FAN1: variants seen among roughly 807,000 people sequenced by gnomAD.
The protein encoded by FAN1 is FANCD2 and FANCI associated nuclease 1.
Under a neutral mutation model 104.9 loss-of-function variants are expected in FAN1, and 91 were observed. The ratio of observed to expected loss-of-function variants is 0.87; its 90% CI spans 0.73 to 1.03. The LOEUF is 1.03. Among genes scored for constraint, FAN1 ranks in the 50% least tolerant of loss-of-function variants. The pLI, the probability that FAN1 is intolerant of heterozygous loss-of-function variation, is 0.00. For synonymous variants in FAN1, 478 were observed against 457.6 expected, an observed-to-expected ratio of 1.04 and a Z score of -0.57; for missense variants, 1,263 against 1,239.9, an observed-to-expected ratio of 1.02 and a Z score of -0.28.
intron 13 of FAN1, among the ~76,000 whole-genome samples, chr15:30,935,636 CAG>C (rs559105817): frequency 1.2e-4 from 18 of 152,268 alleles, no homozygotes; most frequent in South Asian, 1.0e-3. Context: ...ATTTTGGTAA[CAG>C]AGGGGGTCCT....
At chr15:30,923,276 G>C (rs559290785) in intron 8 of FAN1, among the ~76,000 whole-genome samples, 2 of 152,140 alleles carry the variant, frequency 1.3e-5, no homozygotes, top group African/African-American at 2.4e-5. Context: ...CTTACCACTC[G>C]GTGTTTACTG....
chr15:30,938,987 T>C (rs565), intron 14 of FAN1: 827,485 of 985,052 alleles, frequency 0.84, 347,934 homozygotes, highest in East Asian at 0.98. Flanking sequence ...TTCCTTCACA[T>C]TCAATACTGT....
rs10163148 is a variant in FAN1 at position 30,920,481 on chromosome 15, G to T, written c.1944-64G>T. The T allele has an allele frequency of 3.9e-6, 4 of 1,022,170 alleles. No homozygotes were observed. The African/African-American group carries it at 4.8e-5, about 12-fold the overall frequency. The allele number at this position is 1,022,170 out of a possible 1,614,324, so 63.3% of individuals were successfully genotyped here. ...AGGAATTCAGTCTGCTTTGTCACTT[G>T]TTATTATTGTCTTATAATAAATTAA... On this transcript the variant is annotated intron_variant, in intron 6 of 14. Transcript: ENST00000362065.
chr15:30,911,603 A>G (rs1268944627), intron 4 of FAN1: 2 of 950,916 alleles, frequency 2.1e-6, no homozygotes, highest in African/African-American at 3.5e-5. Context: ...TTTAAAAAGT[A>G]CTTCAATAAA....
rs371202499 is a variant in FAN1 at position 30,914,100 on chromosome 15, A to G, written c.1811+9A>G. On this transcript the variant is annotated intron_variant, in intron 5 of 14. Transcript: ENST00000362065. ...AGAGATGATCTTATCAGGTAAGATG[A>G]TGTTAGCTCACTATAATGTCTATAT... is the stretch of plus-strand genomic sequence containing the variant. 57 of 1,572,816 alleles carry G rather than the reference A, an allele frequency of 3.6e-5. No homozygotes were observed. Among genetic ancestry groups the G allele is most frequent in the Non-Finnish European group, 4.7e-5 (54 of 1,143,288 alleles).
chr15:30,926,711 G>A (rs2062472337), intron 10 of FAN1: 28 of 985,464 alleles, frequency 2.8e-5, no homozygotes, highest in Non-Finnish European at 3.3e-5. Context: ...GCACATTCAA[G>A]GCCCCGAGAG....
intron 9 of FAN1, 71 bp downstream of exon 9, chr15:30,925,362 T>G (rs1229865447): frequency 7.1e-7 from 1 of 1,403,374 alleles, no homozygotes; most frequent in East Asian, 2.3e-5. Context: ...AGAAGCATCC[T>G]AAGAGCTGTT....
At chr15:30,930,418 G>A in intron 12 of FAN1, 125 bp from the exon 13 acceptor site, 2 of 1,105,494 alleles carry the variant, frequency 1.8e-6, no homozygotes, top group Non-Finnish European at 1.2e-6. Flanking sequence ...GCGCATGGTG[G>A]GCCTGGGGTC....
chr15:30,933,895 G>C (rs560846431), intron 13 of FAN1, among the ~76,000 whole-genome samples: 1 of 151,994 alleles, frequency 6.6e-6, no homozygotes, highest in African/African-American at 2.4e-5. Flanking sequence ...TGAGTAGCCC[G>C]AACTATAGGC....
In FAN1 at chr15:30,937,230, G is replaced by A. The variant is rs769682343; in HGVS notation, c.3028G>A (p.Gly1010Arg). 3.7e-6 allele frequency: 6 copies of A among 1,613,954 alleles called. No homozygotes were observed. Among genetic ancestry groups the A allele is most frequent in the Non-Finnish European group, 5.1e-6 (6 of 1,179,950 alleles). ...AGAAGTCTGCCATGTGGTTGCAGTT[G>A]GAGCTAAGAGCCAAAGCCTTAGCTA... ...EVEVCHVVAV[G>R]AKSQSLS Residue 1010 changes from glycine to arginine, a missense_variant, in exon 14 of 15, where the codon GGA becomes AGA. Around this residue, in one of 2 missense-constraint regions of FAN1, gnomAD observed 581 missense variants for 668.8 expected, o/e 0.87. Coordinates refer to ENST00000362065, the MANE Select transcript of FAN1 (RefSeq NM_014967.5).
intron 2 of FAN1, among the ~76,000 whole-genome samples, chr15:30,906,218 C>G (rs551836136): frequency 6.6e-6 from 1 of 152,274 alleles, no homozygotes; most frequent in South Asian, 2.1e-4. Context: ...TATAATGTGA[C>G]TTAGAAAAGC....
intron 5 of FAN1, 80 bp downstream of exon 5, chr15:30,914,171 C>G: frequency 9.3e-7 from 1 of 1,075,704 alleles, no homozygotes; most frequent in Non-Finnish European, 1.4e-6. Flanking sequence ...TTTTTCCAGC[C>G]AAAGTAGAAA....
Position 30,942,893 on chromosome 15 carries a change from T to C in FAN1, c.*1331T>C. Reference sequence around the variant, plus strand: ...CGTTTTGTTAGCTGTGATTTACCTTTGTCCGTTTAAAAGACTTCACGGAGC... The same window carrying C: ...CGTTTTGTTAGCTGTGATTTACCTTCGTCCGTTTAAAAGACTTCACGGAGC... On this transcript the variant is annotated 3_prime_UTR_variant, in exon 15 of 15. Coordinates refer to ENST00000362065, the MANE Select transcript of FAN1 (RefSeq NM_014967.5). The C allele has an allele frequency of 1.3e-6, 2 of 1,560,672 alleles. No individual in the cohort carries two copies. The highest frequency in any genetic ancestry group is 1.7e-6 in the Non-Finnish European group (2 of 1,151,266).
At chr15:30,926,136 G>T (rs536354494) in intron 10 of FAN1, among the ~76,000 whole-genome samples, 197 bp downstream of exon 10, 1 of 152,302 alleles carries the variant, frequency 6.6e-6, no homozygotes, top group Admixed American at 6.5e-5. Context: ...GTCCCACAGG[G>T]CCTGGCTCTG....
rs759975377 is a variant in FAN1, at chr15:30,905,530, CAAA to C, written c.868_870del (p.Lys290del). ...ACAGTCTTGTAAAGCAAGAGTGTATCAAAGAAGTGGTTGAAAAACGTGAGGCAT... is the reference window on the plus strand; with the variant it reads ...ACAGTCTTGTAAAGCAAGAGTGTATCGAAGTGGTTGAAAAACGTGAGGCAT... On this transcript the variant is annotated inframe_deletion, in exon 2 of 15. Transcript: ENST00000362065. The C allele has an allele frequency of 9.3e-6, 15 of 1,613,736 alleles. No individual in the cohort carries two copies. The highest frequency in any genetic ancestry group is 1.7e-5 in the Admixed American group (1 of 60,000).
intron 13 of FAN1, among the ~76,000 whole-genome samples, 156 bp downstream of exon 13, chr15:30,930,827 G>A (rs941067525): frequency 5.9e-5 from 9 of 152,186 alleles, no homozygotes; most frequent in African/African-American, 2.2e-4. Context: ...TGTCCCCTGC[G>A]ACTGGCTTCA....
chr15:30,937,588 A>G (rs2062896675), intron 14 of FAN1, among the ~76,000 whole-genome samples: 1 of 150,542 alleles, frequency 6.6e-6, no homozygotes, highest in African/African-American at 2.5e-5. Context: ...AGTAGCTGGG[A>G]CTACAGGTGT....
intron 14 of FAN1, 48 bp downstream of exon 14, chr15:30,937,307 G>A: frequency 6.5e-7 from 1 of 1,546,058 alleles, no homozygotes; most frequent in African/African-American, 1.4e-5. Context: ...AGATTTTCAA[G>A]AGTATAAAAC....
At chr15:30,927,689 C>A in intron 10 of FAN1, 2 of 985,624 alleles carry the variant, frequency 2.0e-6, no homozygotes, top group Non-Finnish European at 2.4e-6. Context: ...GTCAGCACCT[C>A]CTCTGGCCAG....
Sources: allele counts gnomAD v4.1 joint callset (sites outside exome capture counted in the v4.1 genomes callset), GRCh38; gene constraint gnomAD v4.1.1; regional missense constraint gnomAD v4.1.1; transcripts MANE v1.5; gene names NCBI Gene and HGNC (gene_info 2026-07-23, HGNC 2026-07-21).